Variants in PLD5 observed in about 807,000 individuals in gnomAD.
The protein encoded by PLD5 is phospholipase D family member 5.
Under a neutral mutation model 61.1 loss-of-function variants are expected in PLD5, and 36 were observed. That is an observed-to-expected ratio of 0.59 (90% CI 0.45 to 0.78). The LOEUF (loss-of-function observed/expected upper bound fraction) is 0.78, where lower values mean the gene tolerates loss of function less well. Ranked by LOEUF, PLD5 falls within the 30% of genes least tolerant of loss-of-function variation. The pLI, the probability that PLD5 is intolerant of heterozygous loss-of-function variation, is 0.00. For missense variants in PLD5, 515 were observed against 644.4 expected (o/e 0.80, Z 2.17); for synonymous variants, 243 against 242.8 (o/e 1.00, Z -0.01).
At chr1:242,102,460 G>C (rs1415697421) in intron 8 of PLD5, among the ~76,000 whole-genome samples, 3 of 152,050 alleles carry the variant, frequency 2.0e-5, no homozygotes, top group Non-Finnish European at 4.4e-5. Flanking sequence ...TTTCAAAAGG[G>C]GTTTATTAAT....
intron 5 of PLD5, among the ~76,000 whole-genome samples, chr1:242,148,204 T>C (rs1371233376): frequency 6.6e-6 from 1 of 150,914 alleles, no homozygotes; most frequent in Non-Finnish European, 1.5e-5. Context: ...GCATAAAGTA[T>C]GAATCTAGAT....
At chr1:242,465,095 C>T (rs948951803) in intron 1 of PLD5, among the ~76,000 whole-genome samples, 4 of 152,134 alleles carry the variant, frequency 2.6e-5, no homozygotes, top group African/African-American at 9.7e-5. Context: ...TCATCGCGAA[C>T]ATACCAAATG....
intron 1 of PLD5, among the ~76,000 whole-genome samples, chr1:242,436,525 A>G (rs937092950): frequency 1.3e-5 from 2 of 152,242 alleles, no homozygotes; most frequent in African/African-American, 4.8e-5. Flanking sequence ...GTTAATTATT[A>G]AAGACAATAG....
At chr1:242,103,510 G>A (rs975607756) in intron 8 of PLD5, among the ~76,000 whole-genome samples, 3 of 152,142 alleles carry the variant, frequency 2.0e-5, no homozygotes, top group Non-Finnish European at 2.9e-5. Flanking sequence ...CTGGAGCTCC[G>A]TATGCCACTG....
At chr1:242,359,168 C>A (rs1321120091) in intron 1 of PLD5, among the ~76,000 whole-genome samples, 2 of 152,168 alleles carry the variant, frequency 1.3e-5, no homozygotes, top group African/African-American at 4.8e-5. Flanking sequence ...ACCCTCCTTG[C>A]TTTGTTTCGT....
At chr1:242,135,747 C>T (rs1663667184) in intron 5 of PLD5, among the ~76,000 whole-genome samples, 1 of 152,142 alleles carries the variant, frequency 6.6e-6, no homozygotes, top group Non-Finnish European at 1.5e-5. Flanking sequence ...TCCTTATCTC[C>T]ATCATGACTT....
chr1:242,321,955 G>A (rs1238198862), intron 2 of PLD5, among the ~76,000 whole-genome samples: 2 of 152,132 alleles, frequency 1.3e-5, no homozygotes, highest in East Asian at 3.9e-4. Flanking sequence ...GAGGCAAAAA[G>A]AAACCCTGCT....
chr1:242,348,811 T>G (rs1242526230), intron 1 of PLD5, among the ~76,000 whole-genome samples: 1 of 152,100 alleles, frequency 6.6e-6, no homozygotes, highest in East Asian at 1.9e-4. Context: ...TCCTAGCACT[T>G]TGGGAGGCCA....
At chr1:242,343,378 T>C (rs1186542214) in intron 2 of PLD5, among the ~76,000 whole-genome samples, 3 of 152,178 alleles carry the variant, frequency 2.0e-5, no homozygotes, top group African/African-American at 4.8e-5. Flanking sequence ...CTGAGCATCA[T>C]GGGGTAGAGT....
intron 3 of PLD5, among the ~76,000 whole-genome samples, chr1:242,281,972 C>T (rs574545975): frequency 1.1e-3 from 160 of 152,178 alleles, no homozygotes; most frequent in Non-Finnish European, 2.1e-3. Context: ...CAGAGTCTCA[C>T]GTTTGCAGAA....
chr1:242,266,684 C>A (rs1673694628), intron 3 of PLD5, among the ~76,000 whole-genome samples: 1 of 152,220 alleles, frequency 6.6e-6, no homozygotes, highest in Non-Finnish European at 1.5e-5. Context: ...GTCTTAATGG[C>A]CCCACAGTGG....
chr1:242,399,311 CAAAT>C (rs1663788930), intron 1 of PLD5, among the ~76,000 whole-genome samples: 1 of 152,114 alleles, frequency 6.6e-6, no homozygotes, highest in Admixed American at 6.5e-5. Context: ...TATATAAAAA[CAAAT>C]AACGAAATCT....
intron 1 of PLD5, among the ~76,000 whole-genome samples, chr1:242,348,496 T>C (rs1489344777): frequency 6.6e-6 from 1 of 152,050 alleles, no homozygotes; most frequent in Admixed American, 6.5e-5. Flanking sequence ...TCTGAATGAG[T>C]TTGCTCTTCT....
At chr1:242,248,179 T>C (rs1457963271) in intron 4 of PLD5, among the ~76,000 whole-genome samples, 1 of 152,266 alleles carries the variant, frequency 6.6e-6, no homozygotes, top group Admixed American at 6.5e-5. Context: ...TTCTTTTATC[T>C]GAGGAAGGCA....
intron 4 of PLD5, among the ~76,000 whole-genome samples, chr1:242,244,576 A>C (rs1672252670): frequency 6.6e-6 from 1 of 152,218 alleles, no homozygotes; most frequent in South Asian, 2.1e-4. Flanking sequence ...GTTTAGAAAC[A>C]ATGGAGAGGA....
In PLD5 at chr1:242,199,200, C is replaced by T. The variant is rs112411801; in HGVS notation, c.735+20788G>A. ...CTCACATTCATGGCCTGGGCATATT[C>T]CTATCAGACAGCACTGCTTTATTTT... is the stretch of plus-strand genomic sequence containing the variant. On this transcript the variant is annotated intron_variant, in intron 5 of 9. Coordinates refer to ENST00000536534, the MANE Select transcript of PLD5 (RefSeq NM_001372062.1). Among the ~76,000 whole-genome samples, 257 of 152,076 alleles carry T rather than the reference C, an allele frequency of 1.7e-3. 2 individuals are homozygous for T. The highest frequency in any genetic ancestry group is 5.7e-3 in the African/African-American group (238 of 41,488).
At chr1:242,178,625 C>T (rs1358093266) in intron 5 of PLD5, among the ~76,000 whole-genome samples, 1 of 152,146 alleles carries the variant, frequency 6.6e-6, no homozygotes, top group Non-Finnish European at 1.5e-5. Flanking sequence ...TATTATGCTG[C>T]CAGCTACAAA....
chr1:242,300,795 T>C (rs1280791284), intron 2 of PLD5, among the ~76,000 whole-genome samples: 2 of 152,036 alleles, frequency 1.3e-5, no homozygotes, highest in East Asian at 3.9e-4. Context: ...ACCGCTGCGA[T>C]AGCATGGAGC....
chr1:242,456,169 C>G (rs1666938459), intron 1 of PLD5, among the ~76,000 whole-genome samples: 1 of 152,196 alleles, frequency 6.6e-6, no homozygotes, highest in Non-Finnish European at 1.5e-5. Flanking sequence ...CCTCCTTACT[C>G]CGCCTTGCAA....
Sources: allele counts gnomAD v4.1 joint callset (sites outside exome capture counted in the v4.1 genomes callset), GRCh38; gene constraint gnomAD v4.1.1; transcripts MANE v1.5; gene names NCBI Gene and HGNC (gene_info 2026-07-23, HGNC 2026-07-21).